Variants in MGLL observed in about 807,000 individuals in gnomAD.
MGLL encodes the protein lysophospholipase homolog.
A neutral mutation model predicts 29.1 loss-of-function variants in MGLL; 7 were observed. The observed-to-expected ratio is 0.24, with a 90% CI of 0.14 to 0.45. MGLL has a LOEUF of 0.45. Among genes scored for constraint, MGLL ranks in the 20% least tolerant of loss-of-function variants. The pLI is 0.99. For synonymous variants in MGLL, 148 were observed against 168.3 expected (o/e 0.88, Z 0.93); for missense variants, 356 against 413.6 (o/e 0.86, Z 1.21).
In MGLL at chr3:127,723,055, T is replaced by C. The variant is rs1219330310; in HGVS notation, c.263-489A>G. 2.0e-5 allele frequency among the ~76,000 whole-genome samples: 3 copies of C among 152,338 alleles called. No homozygotes were observed. In the East Asian group the frequency reaches 5.8e-4, roughly 29 times the overall value. On this transcript the variant is annotated intron_variant, in intron 3 of 7. Transcript: ENST00000265052. ...CTTACAGTTTTAGGTGAAGATAATA[T>C]GACAAACATAAAATAATATGTAGTC...
At chr3:127,732,930 G>A (rs2076176918) in intron 3 of MGLL, among the ~76,000 whole-genome samples, 1 of 152,166 alleles carries the variant, frequency 6.6e-6, no homozygotes, top group South Asian at 2.1e-4. Flanking sequence ...AGAGCTGGGA[G>A]GAGCGGTGGG....
At chr3:127,733,811 C>T (rs1191149516) in intron 3 of MGLL, among the ~76,000 whole-genome samples, 1 of 152,244 alleles carries the variant, frequency 6.6e-6, no homozygotes, top group Non-Finnish European at 1.5e-5. Flanking sequence ...ATCGCTCTGA[C>T]TTCCAGGGTT....
intron 2 of MGLL, among the ~76,000 whole-genome samples, chr3:127,811,964 T>C (rs929652602): frequency 6.6e-6 from 1 of 152,254 alleles, no homozygotes; most frequent in Admixed American, 6.5e-5. Flanking sequence ...AATCATGGGC[T>C]GAGTAACAGC....
At chr3:127,782,599 G>T (rs898527815) in intron 2 of MGLL, among the ~76,000 whole-genome samples, 1 of 152,212 alleles carries the variant, frequency 6.6e-6, no homozygotes, top group Non-Finnish European at 1.5e-5. Flanking sequence ...CCTCGGGGGC[G>T]AATGTGGCAG....
Position 127,719,917 on chromosome 3 carries a change from G to T in MGLL, c.510+1136C>A, listed in dbSNP as rs78621606. 9.8e-5 allele frequency among the ~76,000 whole-genome samples: 15 copies of T among 152,300 alleles called. No individual in the cohort carries two copies. In the East Asian group the frequency reaches 2.7e-3, roughly 27 times the overall value. On this transcript the variant is annotated intron_variant, in intron 5 of 7. Coordinates refer to ENST00000265052, the MANE Select transcript of MGLL (RefSeq NM_007283.7). The stretch of plus-strand genomic sequence containing the variant: ...TCATCGTTCTCTGGCTAAACTATCA[G>T]ATAGTCCCTGATTTCTCTTTTGCCA...
chr3:127,721,507 G>GTTT (rs55892315), intron 4 of MGLL, among the ~76,000 whole-genome samples: 24,680 of 94,542 alleles, frequency 0.26, 2,445 homozygotes, highest in Non-Finnish European at 0.31. Context: ...TAATAGGAGG[G>GTTT]TTTTTTTTTT....
At chr3:127,713,216 ACCT>A (rs2075752664) in intron 5 of MGLL, 2 of 152,292 alleles carry the variant, frequency 1.3e-5, no homozygotes, top group African/African-American at 4.8e-5. Flanking sequence ...CACCACAAAC[ACCT>A]CCTCCCAGTG....
chr3:127,726,005 CAGTGA>C (rs2076023397), intron 3 of MGLL, among the ~76,000 whole-genome samples: 2 of 151,056 alleles, frequency 1.3e-5, no homozygotes, highest in South Asian at 4.2e-4. Context: ...GTTGGGGCCG[CAGTGA>C]GCTGTGCTCG....
chr3:127,779,235 C>T (rs2077084694), intron 3 of MGLL, among the ~76,000 whole-genome samples: 1 of 152,110 alleles, frequency 6.6e-6, no homozygotes, highest in African/African-American at 2.4e-5. Context: ...GGCATAGTGG[C>T]AGGCGCCTGT....
At position 127,710,041 on chromosome 3, in the gene MGLL, T is replaced by C. The variant is rs137965717; in HGVS notation, c.600+535A>G. On this transcript the variant is annotated intron_variant, in intron 6 of 7. Transcript: ENST00000265052. The stretch of plus-strand genomic sequence containing the variant: ...AATCCAGGCCTGGATAATCAGTCAG[T>C]AAGAATCAGCCCTGAGACTTTTGCT... Among the ~76,000 whole-genome samples the C allele has an allele frequency of 7.4e-3, 1,123 of 152,346 alleles. 16 individuals are homozygous for C. The highest frequency in any genetic ancestry group is 0.025 in the African/African-American group (1,048 of 41,580).
At chr3:127,752,629 T>C (rs894793199) in intron 3 of MGLL, among the ~76,000 whole-genome samples, 1 of 152,130 alleles carries the variant, frequency 6.6e-6, no homozygotes, top group Non-Finnish European at 1.5e-5. Context: ...TCTGTACATA[T>C]GCGGCAGATC....
chr3:127,745,880 C>T (rs75736047), intron 3 of MGLL, among the ~76,000 whole-genome samples: 514 of 152,160 alleles, frequency 3.4e-3, no homozygotes, highest in Non-Finnish European at 4.5e-3. Flanking sequence ...GGCACAGGGG[C>T]GGGGCATGGA....
intron 3 of MGLL, among the ~76,000 whole-genome samples, chr3:127,723,542 A>C (rs1576505350): frequency 6.8e-6 from 1 of 146,876 alleles, no homozygotes; most frequent in African/African-American, 2.5e-5. Context: ...CCCCACACCC[A>C]CCTTCCCAGT....
At chr3:127,806,540 G>A (rs192188616) in intron 2 of MGLL, among the ~76,000 whole-genome samples, 12 of 152,048 alleles carry the variant, frequency 7.9e-5, no homozygotes, top group East Asian at 5.8e-4. Context: ...ATGGATGGAC[G>A]GATGGACTGA....
intron 3 of MGLL, among the ~76,000 whole-genome samples, chr3:127,760,941 G>A (rs1404845012): frequency 1.3e-5 from 2 of 152,226 alleles, no homozygotes; most frequent in Admixed American, 1.3e-4. Context: ...TATTAGCACA[G>A]AAGTCATGGA....
chr3:127,780,771 T>C (rs534787847), intron 3 of MGLL, among the ~76,000 whole-genome samples: 2 of 152,360 alleles, frequency 1.3e-5, no homozygotes, highest in East Asian at 1.9e-4. Flanking sequence ...GTCCCTCTTT[T>C]CAGAGACATC....
chr3:127,822,159 A>T, intron 1 of MGLL, 150 bp downstream of exon 1: 3 of 843,974 alleles, frequency 3.6e-6, no homozygotes, highest in Non-Finnish European at 3.8e-6. Context: ...AGTGGAAATT[A>T]TAGTCAGCTC....
chr3:127,791,165 C>T (rs925783295), intron 2 of MGLL: 2 of 152,248 alleles, frequency 1.3e-5, no homozygotes, highest in African/African-American at 4.8e-5. Context: ...AACTGCAGAG[C>T]CTGACTCCCA....
chr3:127,692,833 A>G (rs778270138), intron 7 of MGLL, among the ~76,000 whole-genome samples: 20 of 152,128 alleles, frequency 1.3e-4, no homozygotes, highest in Non-Finnish European at 2.8e-4. Context: ...TTGTGGTTCC[A>G]TGGCTTTAAC....
Sources: allele counts gnomAD v4.1 joint callset (sites outside exome capture counted in the v4.1 genomes callset), GRCh38; gene constraint gnomAD v4.1.1; transcripts MANE v1.5; gene names NCBI Gene and HGNC (gene_info 2026-07-23, HGNC 2026-07-21).